Variants in ASTN2 observed in about 807,000 individuals in gnomAD.
ASTN2 encodes the protein astrotactin-2.
A neutral mutation model predicts 139.8 loss-of-function variants in ASTN2; 54 were observed. The ratio of observed to expected loss-of-function variants is 0.39; its 90% confidence interval spans 0.31 to 0.48. The LOEUF (loss-of-function observed/expected upper bound fraction) is 0.48. Ranked by LOEUF, ASTN2 falls within the 20% of genes least tolerant of loss-of-function variation. The pLI is 0.95. For missense variants in ASTN2, 1,565 were observed against 1,725.1 expected (o/e 0.91, Z 1.64); for synonymous variants, 756 against 719.5 (o/e 1.05, Z -0.81).
At chr9:116,466,473 A>G (rs989289391) in intron 20 of ASTN2, among the ~76,000 whole-genome samples, 2 of 152,090 alleles carry the variant, frequency 1.3e-5, no homozygotes, top group Admixed American at 6.5e-5. Context: ...CTGCTTCACA[A>G]TTCCTACCAG....
intron 19 of ASTN2, among the ~76,000 whole-genome samples, chr9:116,526,232 A>G (rs1205854043): frequency 6.6e-6 from 1 of 152,218 alleles, no homozygotes; most frequent in Non-Finnish European, 1.5e-5. Flanking sequence ...TGTGCACCAC[A>G]TTATGGAAAC....
chr9:117,301,112 G>A (rs1167233215), intron 1 of ASTN2, among the ~76,000 whole-genome samples: 3 of 152,136 alleles, frequency 2.0e-5, no homozygotes, highest in Admixed American at 6.6e-5. Flanking sequence ...ATAGATAGAG[G>A]GTTGCTGGAA....
At chr9:117,383,961 G>A (rs1033628774) in intron 1 of ASTN2, among the ~76,000 whole-genome samples, 1 of 152,094 alleles carries the variant, frequency 6.6e-6, no homozygotes, top group African/African-American at 2.4e-5. Context: ...TGAAATCCAC[G>A]AACAGGGGCT....
At chr9:116,854,454 C>A (rs1422627955) in intron 11 of ASTN2, among the ~76,000 whole-genome samples, 2 of 152,086 alleles carry the variant, frequency 1.3e-5, no homozygotes, top group African/African-American at 2.4e-5. Context: ...TAGTGAATGA[C>A]AAGGTAAGAT....
chr9:117,004,333 C>G (rs1019966210), intron 7 of ASTN2, among the ~76,000 whole-genome samples: 1 of 152,088 alleles, frequency 6.6e-6, no homozygotes, highest in African/African-American at 2.4e-5. Context: ...GTTGCCCAGG[C>G]TGGTCTTGGA....
intron 2 of ASTN2, among the ~76,000 whole-genome samples, chr9:117,250,782 AAC>A (rs778073727): frequency 9.2e-5 from 14 of 152,198 alleles, no homozygotes; most frequent in East Asian, 1.9e-4. Flanking sequence ...CAAATGGGGA[AAC>A]ACAGACTGAG....
intron 1 of ASTN2, among the ~76,000 whole-genome samples, chr9:117,342,491 T>C (rs1180379603): frequency 6.6e-6 from 1 of 152,186 alleles, no homozygotes; most frequent in Non-Finnish European, 1.5e-5. Flanking sequence ...CTCTGAACCA[T>C]CCTCTTCTTT....
At chr9:117,138,031 T>A (rs1829992747) in intron 4 of ASTN2, among the ~76,000 whole-genome samples, 1 of 152,232 alleles carries the variant, frequency 6.6e-6, no homozygotes, top group African/African-American at 2.4e-5. Flanking sequence ...GCTATAAAGC[T>A]GAGCCATTTT....
At chr9:117,068,587 C>A (rs1828019094) in intron 5 of ASTN2, among the ~76,000 whole-genome samples, 1 of 110,584 alleles carries the variant, frequency 9.0e-6, no homozygotes, top group African/African-American at 3.5e-5. Flanking sequence ...GGAATGGTAC[C>A]AGTTCCTCCT....
At chr9:116,736,992 G>C (rs758845738) in intron 13 of ASTN2, among the ~76,000 whole-genome samples, 32 of 152,274 alleles carry the variant, frequency 2.1e-4, no homozygotes, top group Middle Eastern at 3.4e-3. Context: ...ACCCCTTCTC[G>C]GAGGAAGGTT....
chr9:117,088,135 T>C (rs1391581745), intron 5 of ASTN2, among the ~76,000 whole-genome samples: 1 of 152,186 alleles, frequency 6.6e-6, no homozygotes, highest in Non-Finnish European at 1.5e-5. Flanking sequence ...CGGAACCTTG[T>C]TGCTTGATGA....
intron 10 of ASTN2, among the ~76,000 whole-genome samples, chr9:116,959,152 T>A (rs543981500): frequency 6.6e-6 from 1 of 152,104 alleles, no homozygotes; most frequent in South Asian, 2.1e-4. Context: ...TGGCAGAACA[T>A]GACGACAAAG....
In ASTN2 at chr9:117,350,553, TA is replaced by T. The variant is rs995328580; in HGVS notation, c.443-59041del. On this transcript the variant is annotated intron_variant, in intron 1 of 22. Coordinates refer to ENST00000313400, the MANE Select transcript of ASTN2 (RefSeq NM_001365068.1). ...TGGGCAACAGAACGAGACTCCATCT[TA>T]AAAAAAAAAAGGAAAGAAAGAAAAG... is the stretch of plus-strand genomic sequence containing the variant. Among the ~76,000 whole-genome samples the T allele has an allele frequency of 7.1e-3, 949 of 132,884 alleles. 4 individuals carry two copies. Among genetic ancestry groups the T allele is most frequent in the African/African-American group, 0.023 (844 of 35,994 alleles). 87.2% of individuals were successfully genotyped at this position (132,884 alleles called of 152,430 possible). A position where few individuals can be genotyped will look rare whatever the true frequency, so the allele number is the denominator to read the frequency against.
At chr9:117,134,266 T>TTATATATATATA (rs5900267) in intron 4 of ASTN2, among the ~76,000 whole-genome samples, 28 of 92,566 alleles carry the variant, frequency 3.0e-4, no homozygotes, top group African/African-American at 8.2e-4. Context: ...CTAATGAAAA[T>TTATATATATATA]TATATATATA....
intron 13 of ASTN2, among the ~76,000 whole-genome samples, chr9:116,786,226 C>T (rs756072369): frequency 5.3e-5 from 8 of 152,128 alleles, no homozygotes; most frequent in Non-Finnish European, 1.2e-4. Flanking sequence ...AGTAAGTCTT[C>T]CAGCCTGTAA....
At chr9:116,565,255 C>CAT (rs1554714073) in intron 19 of ASTN2, among the ~76,000 whole-genome samples, 143 of 111,048 alleles carry the variant, frequency 1.3e-3, no homozygotes, top group African/African-American at 5.5e-3. Flanking sequence ...CACACACACA[C>CAT]ACATATGCCC....
chr9:117,241,908 G>C (rs1187219140), intron 2 of ASTN2, among the ~76,000 whole-genome samples: 1 of 148,170 alleles, frequency 6.7e-6, no homozygotes, highest in Non-Finnish European at 1.5e-5. Flanking sequence ...TGCAGACTGA[G>C]TAGAACGTGC....
At chr9:116,737,861 AGGACTT>A in intron 13 of ASTN2, among the ~76,000 whole-genome samples, 1 of 152,248 alleles carries the variant, frequency 6.6e-6, no homozygotes, top group East Asian at 1.9e-4. Context: ...ATGAGTTTTG[AGGACTT>A]GGCGGGGGAA....
At chr9:116,983,814 A>G (rs1315574845) in intron 7 of ASTN2, among the ~76,000 whole-genome samples, 1 of 152,130 alleles carries the variant, frequency 6.6e-6, no homozygotes, top group East Asian at 1.9e-4. Context: ...AAAAACATCT[A>G]CAGGCTGTGG....
Sources: allele counts gnomAD v4.1 joint callset (sites outside exome capture counted in the v4.1 genomes callset), GRCh38; gene constraint gnomAD v4.1.1; transcripts MANE v1.5; gene names NCBI Gene and HGNC (gene_info 2026-07-23, HGNC 2026-07-21).